The following C12orf76 variants were observed in gnomAD, a reference collection of about 807,000 sequenced individuals.
C12orf76 encodes the protein chromosome 12 open reading frame 76.
In C12orf76, 6 loss-of-function variants were observed where a neutral mutation model predicts 6.8. That is an observed-to-expected ratio of 0.88 (90% CI 0.48 to 1.73). C12orf76 has a LOEUF of 1.73. Ranked by LOEUF, C12orf76 falls within the 40% of genes most tolerant of loss-of-function variation. C12orf76 has a pLI of 0.01. For missense variants in C12orf76, 99 were observed against 98.2 expected, an observed-to-expected ratio of 1.01 and a Z score of -0.03; for synonymous variants, 56 against 43.7, an observed-to-expected ratio of 1.28 and a Z score of -1.11.
At chr12:110,049,350 G>C (rs1892535809), upstream of C12orf76, 1 of 152,574 alleles carries the variant, frequency 6.6e-6, no homozygotes, top group Non-Finnish European at 1.5e-5. Flanking sequence ...CCACCAAACA[G>C]GCTTTGTGTG....
chr12:110,066,619 C>A, intron 1 of C12orf76, among the ~76,000 whole-genome samples: 1 of 151,806 alleles, frequency 6.6e-6, no homozygotes, highest in Non-Finnish European at 1.5e-5. Flanking sequence ...ACCCGGGAGG[C>A]GGAGGTTGCC....
upstream of C12orf76, among the ~76,000 whole-genome samples, chr12:110,072,262 A>T (rs1342399704): frequency 8.8e-6 from 1 of 114,252 alleles, no homozygotes; most frequent in African/African-American, 3.6e-5. Context: ...CCCCAAATCT[A>T]AAAAAAAAAA....
At chr12:110,059,236 T>C in intron 2 of C12orf76, 1 of 1,463,974 alleles carries the variant, frequency 6.8e-7, no homozygotes, top group Non-Finnish European at 9.1e-7. Flanking sequence ...CTTTACTGAA[T>C]TGGTTAATTA....
At chr12:110,073,392 G>A (rs1013559037) in intron 1 of C12orf76, 2 of 515,666 alleles carry the variant, frequency 3.9e-6, no homozygotes, top group Non-Finnish European at 7.8e-6. Flanking sequence ...CCACTGCAGA[G>A]ATCTGGGGTC....
chr12:110,059,170 T>A lies in C12orf76; in HGVS notation n.381-7A>T, dbSNP rs778684413. 1.1e-5 allele frequency: 16 copies of A among 1,514,372 alleles called. No individual in the cohort carries two copies. In the South Asian group the frequency reaches 2.0e-4, roughly 19 times the overall value. The allele number at this position is 1,514,372 out of a possible 1,614,324, so 93.8% of individuals were successfully genotyped here. ...CCTTTTCAAATGTTCCTTGCTGGTGTAAAAAAAAATGCACACACACAATTA... is the reference window on the plus strand; with the variant it reads ...CCTTTTCAAATGTTCCTTGCTGGTGAAAAAAAAAATGCACACACACAATTA... On this transcript the variant is annotated splice_region_variant and splice_polypyrimidine_tract_variant and intron_variant and non_coding_transcript_variant, in intron 2 of 4. Transcript: ENST00000309050.
chr12:110,052,542 A>G (rs576914891), upstream of C12orf76, among the ~76,000 whole-genome samples: 5 of 152,292 alleles, frequency 3.3e-5, no homozygotes, highest in African/African-American at 1.2e-4. Flanking sequence ...CAAGTGCTCT[A>G]CATGCAACAT....
upstream of C12orf76, among the ~76,000 whole-genome samples, chr12:110,053,894 G>C (rs1035671857): frequency 3.3e-5 from 5 of 152,060 alleles, no homozygotes; most frequent in Non-Finnish European, 5.9e-5. Context: ...GACCAGCCTG[G>C]ACAACAGGAC....
intron 2 of C12orf76, among the ~76,000 whole-genome samples, chr12:110,060,317 A>G (rs1892748298): frequency 6.6e-6 from 1 of 152,110 alleles, no homozygotes; most frequent in Non-Finnish European, 1.5e-5. Flanking sequence ...GTGAGTCATC[A>G]TATCCATTTC....
rs189677797 is a variant in C12orf76, at chr12:110,046,255, A to G, written c.133+2108T>C. On this transcript the variant is annotated intron_variant, in intron 1 of 1. Transcript: ENST00000615315. ...ATCCTGGCCAACATGGTGAAACCCCATCTCTACTAAAAATACAAAAATTAC... is the reference window on the plus strand; with the variant it reads ...ATCCTGGCCAACATGGTGAAACCCCGTCTCTACTAAAAATACAAAAATTAC... Among the ~76,000 whole-genome samples the G allele has an allele frequency of 2.0e-5, 3 of 152,118 alleles. No individual in the cohort carries two copies. In the South Asian group the frequency reaches 6.2e-4, roughly 32 times the overall value.
intron 1 of C12orf76, among the ~76,000 whole-genome samples, chr12:110,073,177 C>T (rs2137244989): frequency 6.6e-6 from 1 of 152,274 alleles, no homozygotes; most frequent in African/African-American, 2.4e-5. Flanking sequence ...CCCTGCTCTC[C>T]CTGGCGGGCC....
chr12:110,066,379 A>T (rs1233693479), intron 1 of C12orf76, among the ~76,000 whole-genome samples: 1 of 121,136 alleles, frequency 8.3e-6, no homozygotes, highest in Non-Finnish European at 1.8e-5. Flanking sequence ...AAAAAAAAAA[A>T]AAAAAAAAAA....
rs1892641884 is a variant in C12orf76 at position 110,054,792 on chromosome 12, G to A, written n.664+2397C>T. ...AAAAACAAACAAGGGAATGACAAAT[G>A]TCAAATTCAGGATTTCGTTTAGAGA... On this transcript the variant is annotated intron_variant and non_coding_transcript_variant, in intron 4 of 4. Coordinates refer to the C12orf76 transcript ENST00000309050. This position sits in a 1 kb window ranked among gnomAD's most constrained non-coding sequence, Gnocchi z 4.4. 6.6e-6 allele frequency among the ~76,000 whole-genome samples: 1 copy of A among 152,216 alleles called. No individual in the cohort carries two copies. Among genetic ancestry groups the A allele is most frequent in the African/African-American group, 2.4e-5 (1 of 41,458 alleles).
At chr12:110,063,457 ATT>A (rs201799261) in intron 2 of C12orf76, among the ~76,000 whole-genome samples, 3 of 122,576 alleles carry the variant, frequency 2.4e-5, no homozygotes, top group Non-Finnish European at 1.8e-5. Flanking sequence ...TAATTTTTGT[ATT>A]TTTTTTTTTT....
chr12:110,045,856 G>A (rs1892434835), intron 1 of C12orf76: 1 of 161,292 alleles, frequency 6.2e-6, no homozygotes, highest in Admixed American at 6.2e-5. Context: ...CTACTTGGGA[G>A]GCTTAGGCAA....
chr12:110,070,839 A>T (rs910239096), upstream of C12orf76, among the ~76,000 whole-genome samples: 30 of 152,260 alleles, frequency 2.0e-4, no homozygotes, highest in African/African-American at 6.7e-4. Flanking sequence ...AAGTGGCATG[A>T]TCTCAGCTCA....
At chr12:110,065,990 G>T in exon 2 of C12orf76, 1 of 1,611,472 alleles carries the variant, frequency 6.2e-7, no homozygotes, top group Non-Finnish European at 8.5e-7. Context: ...CCAGAACTGG[G>T]TCATCTCTGA....
upstream of C12orf76, among the ~76,000 whole-genome samples, chr12:110,070,607 G>A (rs1240446492): frequency 2.0e-5 from 3 of 152,112 alleles, no homozygotes; most frequent in South Asian, 2.1e-4. Context: ...ATTGTATGCT[G>A]GGCCCAGGAA....
chr12:110,065,308 T>C (rs1274703093), intron 2 of C12orf76, among the ~76,000 whole-genome samples: 1 of 151,826 alleles, frequency 6.6e-6, no homozygotes, highest in Non-Finnish European at 1.5e-5. Context: ...GTAGCTGGGA[T>C]TACAGGCACC....
At chr12:110,055,504 G>A (rs1381976001) in intron 4 of C12orf76, among the ~76,000 whole-genome samples, 1 of 152,156 alleles carries the variant, frequency 6.6e-6, no homozygotes, top group Non-Finnish European at 1.5e-5. Flanking sequence ...ACCGTGCCTG[G>A]CAGAGACAGA....
Sources: gnomAD v4.1 joint callset for allele counts (sites outside exome capture counted in the v4.1 genomes callset) on GRCh38, gnomAD v4.1.1 for gene constraint, Gnocchi (gnomAD v3.1) non-coding constraint, MANE v1.5 for transcripts, NCBI Gene and HGNC (gene_info 2026-07-23, HGNC 2026-07-21) for gene names.